The following MGAT4D variants were observed in gnomAD, a reference collection of about 807,000 sequenced individuals.
The protein encoded by MGAT4D is alpha-1,3-mannosyl-glycoprotein 4-beta-N-acetylglucosaminyltransferase-like protein MGAT4D.
Under a neutral mutation model 15.9 loss-of-function variants are expected in MGAT4D, and 34 were observed. That is an observed-to-expected ratio of 2.14 (90% CI 1.62 to 2.84). MGAT4D has a LOEUF of 2.84. Among genes scored for constraint, MGAT4D ranks in the 30% most tolerant of loss-of-function variants. MGAT4D has a pLI of 0.00. For synonymous variants in MGAT4D, 112 were observed against 48.2 expected, an observed-to-expected ratio of 2.33 and a Z score of -5.49; for missense variants, 327 against 140.2, an observed-to-expected ratio of 2.33 and a Z score of -6.73.
intron 1 of MGAT4D, among the ~76,000 whole-genome samples, chr4:140,492,800 G>A (rs1257155988): frequency 6.6e-6 from 1 of 152,114 alleles, no homozygotes; most frequent in African/African-American, 2.4e-5. Flanking sequence ...TAATGAAACA[G>A]GCTCTTTAAA....
chr4:140,484,542 T>C (rs950135550), intron 1 of MGAT4D, among the ~76,000 whole-genome samples: 3 of 152,042 alleles, frequency 2.0e-5, no homozygotes, highest in African/African-American at 7.2e-5. Flanking sequence ...AAAGCCAAAA[T>C]TGACAAATGG....
intron 1 of MGAT4D, among the ~76,000 whole-genome samples, chr4:140,497,481 G>A (rs933320900): frequency 3.9e-5 from 6 of 152,228 alleles, no homozygotes; most frequent in African/African-American, 1.4e-4. Context: ...TGGGCAACCT[G>A]TACCTTTGTT....
intron 1 of MGAT4D, among the ~76,000 whole-genome samples, chr4:140,486,402 G>A (rs906468410): frequency 3.7e-4 from 56 of 151,956 alleles, no homozygotes; most frequent in African/African-American, 1.3e-3. Flanking sequence ...TGTGCAGAAT[G>A]TGCAGGTTTG....
intron 3 of MGAT4D, among the ~76,000 whole-genome samples, chr4:140,477,660 A>G (rs917756079): frequency 2.0e-5 from 3 of 152,234 alleles, no homozygotes; most frequent in Non-Finnish European, 2.9e-5. Flanking sequence ...GAGGCATGGC[A>G]GAGACTGAGA....
At chr4:140,461,205 G>T (rs932328972) in intron 7 of MGAT4D, among the ~76,000 whole-genome samples, 7 of 152,156 alleles carry the variant, frequency 4.6e-5, no homozygotes, top group African/African-American at 1.7e-4. Context: ...GAGTACATTG[G>T]CTGGATCTTG....
intron 1 of MGAT4D, among the ~76,000 whole-genome samples, chr4:140,493,156 A>G (rs906361025): frequency 5.9e-5 from 9 of 152,162 alleles, no homozygotes; most frequent in Admixed American, 1.3e-4. Flanking sequence ...TGTAAAATTA[A>G]TAGCTCATCA....
At chr4:140,453,053 G>A (rs963438611) in intron 9 of MGAT4D, among the ~76,000 whole-genome samples, 5 of 152,020 alleles carry the variant, frequency 3.3e-5, no homozygotes, top group Non-Finnish European at 7.4e-5. Flanking sequence ...ATATCAGTTC[G>A]TTATATTTTG....
chr4:140,455,785 T>C (rs1730756659), intron 9 of MGAT4D, among the ~76,000 whole-genome samples: 1 of 152,218 alleles, frequency 6.6e-6, no homozygotes, highest in Admixed American at 6.5e-5. Context: ...ATATATAACA[T>C]CTTTCTTGAT....
At chr4:140,448,678 A>G (rs1010393579) in intron 10 of MGAT4D, among the ~76,000 whole-genome samples, 22 of 152,120 alleles carry the variant, frequency 1.4e-4, no homozygotes, top group African/African-American at 1.4e-4. Flanking sequence ...ATTTCTATCC[A>G]TATCCTGAAT....
rs973720601 is a variant in MGAT4D, at chr4:140,450,041, T to C, written c.1116+1369A>G. ...TTAAGAAAGTTGAGAAATAGTCTAA[T>C]TCTTATTATGTCATTATTTCCAAAG... On this transcript the variant is annotated intron_variant, in intron 10 of 10. Coordinates refer to ENST00000511113, the MANE Select transcript of MGAT4D (RefSeq NM_001277353.2). 8.4e-5 allele frequency: 26 copies of C among 310,210 alleles called. No individual in the cohort carries two copies. In the South Asian group the frequency reaches 1.3e-3, roughly 16 times the overall value. 19.2% of individuals were successfully genotyped at this position (310,210 alleles called of 1,614,324 possible).
chr4:140,455,834 G>A (rs2126698249), intron 9 of MGAT4D, among the ~76,000 whole-genome samples: 1 of 151,980 alleles, frequency 6.6e-6, no homozygotes, highest in East Asian at 1.9e-4. Flanking sequence ...AGTGTATTCT[G>A]ATATTAATAT....
chr4:140,456,873 A>T, intron 8 of MGAT4D, 154 bp from the exon 9 acceptor site: 1 of 448,396 alleles, frequency 2.2e-6, no homozygotes. Context: ...TGATAAAATT[A>T]AACACTATAT....
At chr4:140,489,423 T>C (rs1733363275) in intron 1 of MGAT4D, among the ~76,000 whole-genome samples, 2 of 152,084 alleles carry the variant, frequency 1.3e-5, no homozygotes, top group Admixed American at 6.6e-5. Context: ...ATAATAAAAA[T>C]GAACATCCAT....
chr4:140,493,855 A>G (rs537672583), intron 1 of MGAT4D, among the ~76,000 whole-genome samples: 2 of 152,156 alleles, frequency 1.3e-5, no homozygotes, highest in Non-Finnish European at 2.9e-5. Context: ...GAAAGGAGGT[A>G]GTATTTCTCC....
At chr4:140,495,709 ATT>A (rs1040051128) in intron 1 of MGAT4D, among the ~76,000 whole-genome samples, 1 of 152,130 alleles carries the variant, frequency 6.6e-6, no homozygotes, top group Non-Finnish European at 1.5e-5. Flanking sequence ...TATCCATAAA[ATT>A]TTGTTAATTT....
intron 9 of MGAT4D, among the ~76,000 whole-genome samples, chr4:140,452,157 G>A (rs1730515113): frequency 6.6e-6 from 1 of 151,764 alleles, no homozygotes; most frequent in South Asian, 2.1e-4. Context: ...AATATAGTGA[G>A]ACTCCATTTT....
chr4:140,480,728 A>AACACACAC lies in MGAT4D; in HGVS notation c.254-1109_254-1102dup, dbSNP rs10615827. Among the ~76,000 whole-genome samples the AACACACAC allele has an allele frequency of 9.1e-4, 115 of 125,684 alleles. 2 individuals carry two copies. The highest frequency in any genetic ancestry group is 2.6e-3 in the Admixed American group (33 of 12,520). 82.5% of individuals were successfully genotyped at this position (125,684 alleles called of 152,430 possible). ...CAATATAGCAAGACCCTCATCTCTA[A>AACACACAC]ACACACACACACACACACACACACA... On this transcript the variant is annotated intron_variant, in intron 2 of 10. Transcript: ENST00000511113.
chr4:140,467,822 A>G (rs2126760948), intron 5 of MGAT4D, among the ~76,000 whole-genome samples: 1 of 152,180 alleles, frequency 6.6e-6, no homozygotes, highest in South Asian at 2.1e-4. Context: ...TGTAAAGTGT[A>G]TAGTTATATA....
intron 8 of MGAT4D, chr4:140,457,539 C>A (rs1282278310): frequency 6.6e-6 from 1 of 152,070 alleles, no homozygotes; most frequent in African/African-American, 2.4e-5. Flanking sequence ...AATTCCTAAC[C>A]TGCTGTCACC....
Sources: allele counts gnomAD v4.1 joint callset (sites outside exome capture counted in the v4.1 genomes callset), GRCh38; gene constraint gnomAD v4.1.1; transcripts MANE v1.5; gene names NCBI Gene and HGNC (gene_info 2026-07-23, HGNC 2026-07-21).